The following MFSD8 variants were observed in gnomAD, a reference collection of about 807,000 sequenced individuals.
MFSD8 encodes the protein major facilitator superfamily domain containing 8.
Under a neutral mutation model 66.4 loss-of-function variants are expected in MFSD8, and 55 were observed. That is an observed-to-expected ratio of 0.83 (90% CI 0.67 to 1.04). The LOEUF (loss-of-function observed/expected upper bound fraction) is 1.04, where lower values mean the gene tolerates loss of function less well. MFSD8 is among the 50% of genes least tolerant of loss of function. MFSD8 has a pLI of 0.00. For missense variants in MFSD8, 550 were observed against 627.6 expected (o/e 0.88, Z 1.32); for synonymous variants, 202 against 212.8 (o/e 0.95, Z 0.44).
rs200526922 is a variant in MFSD8 at position 127,930,822 on chromosome 4, GA to G, written c.864-6del. 402 of 1,549,336 alleles carry G rather than the reference GA, an allele frequency of 2.6e-4. No homozygotes were observed. The highest frequency in any genetic ancestry group is 3.6e-4 in the Admixed American group (20 of 54,804). On this transcript the variant is annotated splice_polypyrimidine_tract_variant and splice_region_variant and intron_variant, in intron 8 of 11. Transcript: ENST00000641686. The stretch of plus-strand genomic sequence containing the variant: ...ATTGTTAATGGAGTAATGATGCTAA[GA>G]AAAAAAAAATTATTCTTATTTTATT...
At chr4:127,943,369 T>C (rs1267696948) in intron 4 of MFSD8, 2 of 229,874 alleles carry the variant, frequency 8.7e-6, no homozygotes, top group Admixed American at 1.1e-4. Context: ...GGAGCTTGAA[T>C]TGGATCTATT....
chr4:127,951,937 C>G (rs1191258313), intron 2 of MFSD8, among the ~76,000 whole-genome samples: 3 of 151,632 alleles, frequency 2.0e-5, no homozygotes, highest in African/African-American at 7.3e-5. Flanking sequence ...ACCATGTTGG[C>G]CAGGATGGTC....
intron 5 of MFSD8, 143 bp downstream of exon 5, chr4:127,941,902 C>T: frequency 1.5e-6 from 1 of 674,990 alleles, no homozygotes. Flanking sequence ...ATGAGTGTAG[C>T]CTCATTCCTG....
At chr4:127,942,455 G>A (rs181823129) in intron 4 of MFSD8, among the ~76,000 whole-genome samples, 4 of 152,230 alleles carry the variant, frequency 2.6e-5, no homozygotes, top group Non-Finnish European at 5.9e-5. Flanking sequence ...AGCACTTTCA[G>A]AGGTTGAGGT....
At chr4:127,938,910 C>T in intron 6 of MFSD8, 72 bp from the exon 7 acceptor site, 1 of 1,221,218 alleles carries the variant, frequency 8.2e-7, no homozygotes, top group South Asian at 1.3e-5. Flanking sequence ...TTATTATCGG[C>T]ATTGTATTTT....
intron 2 of MFSD8, among the ~76,000 whole-genome samples, chr4:127,955,136 C>T (rs989763975): frequency 2.0e-5 from 3 of 152,048 alleles, no homozygotes; most frequent in Admixed American, 6.6e-5. Context: ...TGGATATATA[C>T]CCAAAAGGAC....
intron 2 of MFSD8, among the ~76,000 whole-genome samples, 174 bp from the exon 3 acceptor site, chr4:127,950,021 T>A (rs147768072): frequency 6.6e-6 from 1 of 152,160 alleles, no homozygotes; most frequent in African/African-American, 2.4e-5. Flanking sequence ...AAATAAAGAC[T>A]AAAAGAACAT....
In MFSD8 at chr4:127,949,257, A is replaced by C. The variant is rs78652212; in HGVS notation, c.198+547T>G. Among the ~76,000 whole-genome samples the C allele has an allele frequency of 4.2e-3, 633 of 152,324 alleles. 5 individuals are homozygous for C. The highest frequency in any genetic ancestry group is 0.015 in the African/African-American group (608 of 41,578). On this transcript the variant is annotated intron_variant, in intron 3 of 11. Coordinates refer to ENST00000641686, the MANE Select transcript of MFSD8 (RefSeq NM_001371596.2). ...AAGTTTCTTCCTGGAGATTTAAGAT[A>C]GAACTGACAGGACCTGATGATCAAC...
Position 127,920,071 on chromosome 4 carries a change from T to A in MFSD8, c.*559A>T, listed in dbSNP as rs906553010. Reference sequence around the variant, plus strand: ...GGTGTAGTATTAGAAGAAAGACTCATAGAAGGCAAGGTAGGATGTTAGGCA... The same window carrying A: ...GGTGTAGTATTAGAAGAAAGACTCAAAGAAGGCAAGGTAGGATGTTAGGCA... On this transcript the variant is annotated 3_prime_UTR_variant, in exon 12 of 12. Coordinates refer to ENST00000641686, the MANE Select transcript of MFSD8 (RefSeq NM_001371596.2). 1.2e-5 allele frequency: 2 copies of A among 161,052 alleles called. No individual in the cohort carries two copies. The highest frequency in any genetic ancestry group is 4.8e-5 in the African/African-American group (2 of 41,466). The allele number at this position is 161,052 out of a possible 1,614,324, so 10.0% of individuals were successfully genotyped here. A position where few individuals can be genotyped will look rare whatever the true frequency, so the allele number is the denominator to read the frequency against.
At chr4:127,931,992 T>A (rs767630489) in intron 8 of MFSD8, among the ~76,000 whole-genome samples, 4 of 152,110 alleles carry the variant, frequency 2.6e-5, no homozygotes, top group Non-Finnish European at 5.9e-5. Context: ...ATGCCTGTGG[T>A]CCCAGCTACT....
intron 7 of MFSD8, chr4:127,934,479 A>G (rs934273680): frequency 6.6e-6 from 1 of 152,026 alleles, no homozygotes; most frequent in African/African-American, 2.4e-5. Context: ...ATATTAATCT[A>G]CTCATATATA....
At chr4:127,942,202 T>C in intron 4 of MFSD8, 44 bp from the exon 5 acceptor site, 1 of 1,457,048 alleles carries the variant, frequency 6.9e-7, no homozygotes, top group Non-Finnish European at 9.6e-7. Flanking sequence ...GAAAGTATCA[T>C]TCAGCTTATA....
chr4:127,920,867 T>C, intron 11 of MFSD8, 31 bp from the exon 12 acceptor site: 2 of 1,600,448 alleles, frequency 1.2e-6, no homozygotes, highest in Non-Finnish European at 1.7e-6. Flanking sequence ...GACAAGCAGA[T>C]TGATATTGGG....
At chr4:127,939,057 C>T in intron 6 of MFSD8, 1 of 374,600 alleles carries the variant, frequency 2.7e-6, no homozygotes. Context: ...GAAAAAAATC[C>T]AACTCATCCT....
rs758584752 is a variant in MFSD8, at chr4:127,942,150, C to T, written c.448G>A (p.Ala150Thr). 5 of 1,608,476 alleles carry T rather than the reference C, an allele frequency of 3.1e-6. No individual in the cohort carries two copies. The highest frequency in any genetic ancestry group is 1.3e-5 in the African/African-American group (1 of 74,802). Residue 150 changes from alanine (A) to threonine (T), a missense_variant, in exon 5 of 12, where the codon GCA (alanine) becomes ACA (threonine). Coordinates refer to ENST00000641686, the MANE Select transcript of MFSD8 (RefSeq NM_001371596.2). ...GLLGIGAGNV[A>T]VVRSYTAGAT... Reference sequence around the variant, plus strand: ...CCAGCAGTATATGATCTAACAACTGCTACATTTCCTTAAAAACAAGACACA... The same window carrying T: ...CCAGCAGTATATGATCTAACAACTGTTACATTTCCTTAAAAACAAGACACA...
At chr4:127,965,785 C>G (rs1173086637), upstream of MFSD8, 1 of 155,304 alleles carries the variant, frequency 6.4e-6, no homozygotes, top group Admixed American at 6.3e-5. Flanking sequence ...TGGCGCGCTT[C>G]GGAGGGCTGA....
chr4:127,965,334 C>T (rs1744920933), upstream of MFSD8: 3 of 646,834 alleles, frequency 4.6e-6, no homozygotes, highest in Admixed American at 7.6e-5. Context: ...GCTGTGTCCT[C>T]AGCCTCCTCC....
At chr4:127,943,693 C>T in intron 4 of MFSD8, 59 bp downstream of exon 4, 1 of 1,606,882 alleles carries the variant, frequency 6.2e-7, no homozygotes, top group Non-Finnish European at 8.5e-7. Flanking sequence ...TAAAAGTGAG[C>T]CATAAATGTC....
chr4:127,955,411 G>T lies in MFSD8; in HGVS notation c.154+2090C>A, dbSNP rs1256355216. Among the ~76,000 whole-genome samples the T allele has an allele frequency of 2.0e-5, 3 of 151,824 alleles. No individual in the cohort carries two copies. The East Asian group carries it at 5.8e-4, about 29-fold the overall frequency. On this transcript the variant is annotated intron_variant, in intron 2 of 11. Transcript: ENST00000641686. Reference sequence around the variant, plus strand: ...CAAAAATTAGCCGGGCATGGTGGTGGGTGACTGTAATCCCAGCTACCTGGG... The same window carrying T: ...CAAAAATTAGCCGGGCATGGTGGTGTGTGACTGTAATCCCAGCTACCTGGG...
Sources: allele counts gnomAD v4.1 joint callset (sites outside exome capture counted in the v4.1 genomes callset), GRCh38; gene constraint gnomAD v4.1.1; transcripts MANE v1.5; gene names NCBI Gene and HGNC (gene_info 2026-07-23, HGNC 2026-07-21).